Variants in DENND4C observed in about 807,000 individuals in gnomAD.
The protein encoded by DENND4C is DENN domain-containing protein 4C.
DENND4C carries 108 observed loss-of-function variants against 203.0 expected under a neutral mutation model. The ratio of observed to expected loss-of-function variants is 0.53; its 90% confidence interval spans 0.46 to 0.62. DENND4C has a LOEUF of 0.62. Among genes scored for constraint, DENND4C ranks in the 20% least tolerant of loss-of-function variants. The pLI, the probability that DENND4C is intolerant of heterozygous loss-of-function variation, is 0.00. For missense variants in DENND4C, 2,481 were observed against 2,301.2 expected, an observed-to-expected ratio of 1.08 and a Z score of -1.60; for synonymous variants, 871 against 792.4, an observed-to-expected ratio of 1.10 and a Z score of -1.67.
At chr9:19,261,609 C>A (rs781302336) in intron 1 of DENND4C, among the ~76,000 whole-genome samples, 7 of 151,636 alleles carry the variant, frequency 4.6e-5, no homozygotes, top group African/African-American at 2.4e-5. Flanking sequence ...CTCAAGAGAT[C>A]TTCTCGCCTC....
intron 24 of DENND4C, among the ~76,000 whole-genome samples, chr9:19,351,169 T>C (rs1456711350): frequency 1.3e-5 from 2 of 152,236 alleles, no homozygotes; most frequent in African/African-American, 4.8e-5. Flanking sequence ...TGATCTATTC[T>C]GATCTTGTAT....
At chr9:19,321,203 G>T (rs1365359747) in intron 12 of DENND4C, among the ~76,000 whole-genome samples, 1 of 152,236 alleles carries the variant, frequency 6.6e-6, no homozygotes, top group Admixed American at 6.5e-5. Flanking sequence ...TGGAGACATT[G>T]AAGCATGGAT....
intron 22 of DENND4C, among the ~76,000 whole-genome samples, chr9:19,343,250 C>T (rs1464383093): frequency 1.3e-5 from 2 of 152,292 alleles, no homozygotes; most frequent in Middle Eastern, 3.4e-3. Context: ...ATAGGTACCC[C>T]AAGCCATTTT....
Position 19,276,295 on chromosome 9 carries a change from G to T in DENND4C, c.121G>T (p.Ala41Ser). ...RLDTKSTGPK[A>S]PITDIAIIIK... The stretch of plus-strand genomic sequence containing the variant: ...AGATACTAAGTCAACTGGACCTAAA[G>T]CTCCAATTACAGACATTGCCATTAT... Residue 41 changes from alanine (A) to serine (S), a missense_variant, in exon 2 of 33, where the codon GCT becomes TCT. Physicochemically the swap from Ala to Ser is moderately conservative, Grantham distance 99. Coordinates refer to ENST00000434457, the MANE Select transcript of DENND4C (RefSeq NM_001330640.2). 1 of 1,232,058 alleles carries T rather than the reference G, an allele frequency of 8.1e-7. No homozygotes were observed. Among genetic ancestry groups the T allele is most frequent in the Non-Finnish European group, 1.0e-6 (1 of 987,922 alleles). The allele number at this position is 1,232,058 out of a possible 1,614,324, so 76.3% of individuals were successfully genotyped here.
chr9:19,248,946 A>G (rs1165289992), intron 1 of DENND4C, among the ~76,000 whole-genome samples: 1 of 151,480 alleles, frequency 6.6e-6, no homozygotes, highest in Non-Finnish European at 1.5e-5. Flanking sequence ...GTGAGCCACT[A>G]CGGCCAGCTA....
Position 19,335,118 on chromosome 9 carries a change from G to T in DENND4C, c.2589+13G>T. 1 of 1,529,298 alleles carries T rather than the reference G, an allele frequency of 6.5e-7. No individual in the cohort carries two copies. The highest frequency in any genetic ancestry group is 1.3e-5 in the South Asian group (1 of 75,016). The allele number at this position is 1,529,298 out of a possible 1,614,324, so 94.7% of individuals were successfully genotyped here. ...TTATTATAATAAGGTAAGTAGGATC[G>T]ACATTAGGCAAGATGTGGTGTTTAT... is the stretch of plus-strand genomic sequence containing the variant. On this transcript the variant is annotated intron_variant, in intron 18 of 32. Transcript: ENST00000434457.
At chr9:19,265,002 T>C (rs561223024) in intron 1 of DENND4C, among the ~76,000 whole-genome samples, 1 of 152,272 alleles carries the variant, frequency 6.6e-6, no homozygotes, top group South Asian at 2.1e-4. Flanking sequence ...TTCATTTGTT[T>C]CAAGAAATTT....
intron 12 of DENND4C, among the ~76,000 whole-genome samples, chr9:19,321,197 G>T (rs1007065056): frequency 4.6e-5 from 7 of 152,362 alleles, no homozygotes; most frequent in Admixed American, 2.0e-4. Context: ...TTGCACTGGA[G>T]ACATTGAAGC....
chr9:19,304,189 AT>A (rs34462752), intron 9 of DENND4C, among the ~76,000 whole-genome samples: 15 of 142,414 alleles, frequency 1.1e-4, no homozygotes, highest in South Asian at 2.2e-4. Flanking sequence ...TTTTATATTG[AT>A]TTTTTTTTTT....
Position 19,346,903 on chromosome 9 carries a change from G to C in DENND4C, c.4134G>C (p.Leu1378=), listed in dbSNP as rs762041706. 6.8e-6 allele frequency: 11 copies of C among 1,614,052 alleles called. No homozygotes were observed. Among genetic ancestry groups the C allele is most frequent in the Non-Finnish European group, 9.3e-6 (11 of 1,180,038 alleles). The change falls in exon 23 of 33, where the codon CTG becomes CTC. Residue 1378 remains leucine (L), a synonymous_variant. Transcript: ENST00000434457. ...HKERSTSLSA[L]VRSSPHGSLG... is the part of the protein sequence containing the mutation. ...AACGTTCAACTTCTTTGTCAGCACT[G>C]GTGCGTTCTTCGCCACATGGCTCGT... is the stretch of plus-strand genomic sequence containing the variant.
chr9:19,318,950 C>G (rs1043783636), intron 12 of DENND4C, among the ~76,000 whole-genome samples: 43 of 152,202 alleles, frequency 2.8e-4, no homozygotes, highest in African/African-American at 9.1e-4. Context: ...AGGCTGATCA[C>G]CTGAGGTCAG....
At chr9:19,337,575 C>T in intron 20 of DENND4C, 12 of 1,227,816 alleles carry the variant, frequency 9.8e-6, no homozygotes, top group African/African-American at 1.6e-5. Flanking sequence ...TGCATTTGTC[C>T]TTGGCTGTCA....
At chr9:19,255,367 T>G (rs1827684581) in intron 1 of DENND4C, among the ~76,000 whole-genome samples, 1 of 151,170 alleles carries the variant, frequency 6.6e-6, no homozygotes, top group Non-Finnish European at 1.5e-5. Context: ...ATTGTGCCAC[T>G]GCATTCCAGC....
intron 20 of DENND4C, among the ~76,000 whole-genome samples, chr9:19,339,405 G>C (rs1057312535): frequency 2.6e-5 from 4 of 152,048 alleles, no homozygotes; most frequent in African/African-American, 7.2e-5. Flanking sequence ...TGGCCTTTTT[G>C]AAGAATTCAT....
At chr9:19,351,896 A>G (rs114430108) in intron 24 of DENND4C, among the ~76,000 whole-genome samples, 177 bp from the exon 25 acceptor site, 5,655 of 152,076 alleles carry the variant, frequency 0.037, 353 homozygotes, top group African/African-American at 0.13. Flanking sequence ...TTCCACCTAG[A>G]TTTAATTAAC....
chr9:19,335,434 T>C (rs1820228965), intron 18 of DENND4C, among the ~76,000 whole-genome samples: 1 of 152,172 alleles, frequency 6.6e-6, no homozygotes, highest in African/African-American at 2.4e-5. Flanking sequence ...TGTTGTTCAA[T>C]AGATTTCTTG....
chr9:19,235,979 C>T (rs1230759183), intron 1 of DENND4C, among the ~76,000 whole-genome samples: 2 of 149,482 alleles, frequency 1.3e-5, no homozygotes, highest in Non-Finnish European at 3.0e-5. Flanking sequence ...TGAGTTTTTT[C>T]TTTGTTATGT....
intron 4 of DENND4C, among the ~76,000 whole-genome samples, chr9:19,289,961 G>A (rs13286836): frequency 0.053 from 8,105 of 152,028 alleles, 334 homozygotes; most frequent in South Asian, 0.14. Flanking sequence ...GAAAGAAACT[G>A]TACCAAAGTA....
chr9:19,364,020 G>T (rs903240575), intron 30 of DENND4C, among the ~76,000 whole-genome samples: 8 of 151,430 alleles, frequency 5.3e-5, no homozygotes, highest in Admixed American at 5.3e-4. Context: ...TCTCATAAAA[G>T]AAAAAAAGGA....
Sources: gnomAD v4.1 joint callset for allele counts (sites outside exome capture counted in the v4.1 genomes callset) on GRCh38, gnomAD v4.1.1 for gene constraint, MANE v1.5 for transcripts, NCBI Gene and HGNC (gene_info 2026-07-23, HGNC 2026-07-21) for gene names.